Variants in DLG2 observed in about 807,000 individuals in gnomAD.
DLG2 encodes discs large MAGUK scaffold protein 2, also known as disks large homolog 2.
In DLG2, 45 loss-of-function variants were observed where a neutral mutation model predicts 132.5. That is an observed-to-expected ratio of 0.34 (90% CI 0.27 to 0.44). The LOEUF (loss-of-function observed/expected upper bound fraction) is 0.44. Among genes scored for constraint, DLG2 ranks in the 20% least tolerant of loss-of-function variants. DLG2 has a pLI of 1.00. For missense variants in DLG2, 1,045 were observed against 1,196.9 expected (o/e 0.87, Z 1.87); for synonymous variants, 424 against 419.6 (o/e 1.01, Z -0.13).
intron 18 of DLG2, among the ~76,000 whole-genome samples, chr11:83,709,178 G>A (rs998009726): frequency 2.0e-5 from 3 of 151,380 alleles, no homozygotes; most frequent in Non-Finnish European, 2.9e-5. Context: ...GAATCTTTTT[G>A]AGAGGAAAAA....
intron 3 of DLG2, among the ~76,000 whole-genome samples, chr11:85,341,151 C>T (rs750783391): frequency 2.0e-5 from 3 of 152,204 alleles, no homozygotes; most frequent in Non-Finnish European, 4.4e-5. Flanking sequence ...CAGAGCCTCA[C>T]TCTGTCGCCC....
At chr11:83,471,215 C>T (rs1403999740) in intron 24 of DLG2, among the ~76,000 whole-genome samples, 1 of 152,024 alleles carries the variant, frequency 6.6e-6, no homozygotes, top group Non-Finnish European at 1.5e-5. Flanking sequence ...ACATATGGCC[C>T]TAAGTCATCC....
intron 3 of DLG2, among the ~76,000 whole-genome samples, chr11:85,461,487 C>G (rs1173600664): frequency 6.6e-6 from 1 of 152,212 alleles, no homozygotes; most frequent in Non-Finnish European, 1.5e-5. Flanking sequence ...TTGAGTCTGA[C>G]TATGCTGCCA....
intron 18 of DLG2, among the ~76,000 whole-genome samples, chr11:83,783,273 G>A (rs1306407186): frequency 2.0e-5 from 3 of 152,156 alleles, no homozygotes; most frequent in Admixed American, 2.0e-4. Context: ...CTGGAGACAA[G>A]CTCATTTTAA....
At chr11:83,756,312 C>A (rs1004537060) in intron 18 of DLG2, among the ~76,000 whole-genome samples, 2 of 151,358 alleles carry the variant, frequency 1.3e-5, no homozygotes, top group Admixed American at 1.3e-4. Context: ...CTAAAGATGG[C>A]AAATAGCTAT....
At chr11:85,152,198 C>T (rs2077300761) in intron 5 of DLG2, among the ~76,000 whole-genome samples, 1 of 151,642 alleles carries the variant, frequency 6.6e-6, no homozygotes, top group Non-Finnish European at 1.5e-5. Flanking sequence ...TCAAAATATA[C>T]TAAATGTATT....
chr11:84,530,601 C>A (rs554242008), intron 7 of DLG2, among the ~76,000 whole-genome samples: 2 of 152,114 alleles, frequency 1.3e-5, no homozygotes, highest in African/African-American at 4.8e-5. Flanking sequence ...GTTAGAATGG[C>A]TTTTATAAAA....
At chr11:84,418,863 C>A (rs924835323) in intron 7 of DLG2, among the ~76,000 whole-genome samples, 1 of 152,244 alleles carries the variant, frequency 6.6e-6, no homozygotes. Context: ...CCTTTTTCTT[C>A]TTTATAATCA....
intron 15 of DLG2, among the ~76,000 whole-genome samples, chr11:83,903,269 T>C (rs1185693562): frequency 6.6e-6 from 1 of 152,112 alleles, no homozygotes; most frequent in African/African-American, 2.4e-5. Flanking sequence ...GATTACTCTC[T>C]ACTAGGTAAC....
chr11:85,610,988 G>C (rs2080958426), intron 2 of DLG2, among the ~76,000 whole-genome samples: 1 of 152,196 alleles, frequency 6.6e-6, no homozygotes, highest in Non-Finnish European at 1.5e-5. Flanking sequence ...GAGAACCAGG[G>C]TCAGAAACAG....
intron 4 of DLG2, among the ~76,000 whole-genome samples, chr11:85,181,130 A>C (rs746982908): frequency 2.3e-4 from 35 of 151,746 alleles, no homozygotes; most frequent in Non-Finnish European, 4.3e-4. Context: ...CTAGCACTAA[A>C]GAAGAAATAA....
At chr11:84,889,433 T>C (rs1197792985) in intron 6 of DLG2, among the ~76,000 whole-genome samples, 2 of 151,614 alleles carry the variant, frequency 1.3e-5, no homozygotes, top group African/African-American at 4.9e-5. Context: ...CAAGATAGAG[T>C]GGGAAGCTTT....
chr11:84,716,046 C>T (rs1449408569), intron 6 of DLG2, among the ~76,000 whole-genome samples: 3 of 152,032 alleles, frequency 2.0e-5, no homozygotes, highest in Non-Finnish European at 4.4e-5. Context: ...CATAGGTTCC[C>T]TTTTCTCCAT....
intron 18 of DLG2, among the ~76,000 whole-genome samples, chr11:83,674,800 G>C (rs1360530268): frequency 6.6e-6 from 1 of 152,196 alleles, no homozygotes; most frequent in Non-Finnish European, 1.5e-5. Context: ...TTATACACCA[G>C]AAGCAAGAGG....
chr11:85,303,255 T>C (rs896629714), intron 3 of DLG2, among the ~76,000 whole-genome samples: 43 of 152,212 alleles, frequency 2.8e-4, no homozygotes, highest in Admixed American at 8.5e-4. Context: ...GGTTTTGAAG[T>C]ACACAGCTGA....
chr11:84,244,956 ATAAAT>A (rs1182190921), intron 8 of DLG2, among the ~76,000 whole-genome samples: 1 of 152,224 alleles, frequency 6.6e-6, no homozygotes, highest in African/African-American at 2.4e-5. Flanking sequence ...TTACACTCAA[ATAAAT>A]TAATGTCTAA....
intron 19 of DLG2, among the ~76,000 whole-genome samples, chr11:83,626,047 T>C (rs1282622446): frequency 6.6e-6 from 1 of 152,198 alleles, no homozygotes; most frequent in Non-Finnish European, 1.5e-5. Context: ...TGTGGCATAA[T>C]GCACTAGAGC....
At chr11:83,941,568 G>T (rs1565735484) in intron 14 of DLG2, among the ~76,000 whole-genome samples, 1 of 151,768 alleles carries the variant, frequency 6.6e-6, no homozygotes, top group East Asian at 1.9e-4. Flanking sequence ...GCTAATTTTT[G>T]TATTTTTAGT....
intron 21 of DLG2, among the ~76,000 whole-genome samples, chr11:83,502,789 C>A (rs1347027860): frequency 2.0e-5 from 3 of 152,136 alleles, no homozygotes; most frequent in African/African-American, 7.2e-5. Flanking sequence ...AAATTACCCT[C>A]ACTGAGATCC....
Sources: allele counts gnomAD v4.1 joint callset (sites outside exome capture counted in the v4.1 genomes callset), GRCh38; gene constraint gnomAD v4.1.1; transcripts MANE v1.5; gene names NCBI Gene and HGNC (gene_info 2026-07-23, HGNC 2026-07-21).